Variants in NUBPL observed in about 807,000 individuals in gnomAD.
The protein encoded by NUBPL is NUBP iron-sulfur cluster assembly factor, mitochondrial.
In NUBPL, 31 loss-of-function variants were observed where a neutral mutation model predicts 45.7. That is an observed-to-expected ratio of 0.68 (90% CI 0.51 to 0.92). The LOEUF is 0.92. Ranked by LOEUF, NUBPL falls within the 40% of genes least tolerant of loss-of-function variation. NUBPL has a pLI of 0.00. For missense variants in NUBPL, 401 were observed against 398.7 expected, an observed-to-expected ratio of 1.01 and a Z score of -0.05; for synonymous variants, 144 against 140.9, an observed-to-expected ratio of 1.02 and a Z score of -0.15.
chr14:31,764,621 T>C (rs1334221456), intron 6 of NUBPL, among the ~76,000 whole-genome samples: 9 of 152,224 alleles, frequency 5.9e-5, no homozygotes, highest in Non-Finnish European at 1.0e-4. Context: ...CAACATTCAC[T>C]TGCTCATCAG....
chr14:31,610,626 A>G (rs1262379390), intron 4 of NUBPL, among the ~76,000 whole-genome samples: 1 of 150,332 alleles, frequency 6.7e-6, no homozygotes, highest in Admixed American at 6.6e-5. Context: ...AAAAAAAAAA[A>G]AAAAGAAAGA....
At chr14:31,831,473 C>T (rs79926888) in intron 8 of NUBPL, among the ~76,000 whole-genome samples, 30 of 90,984 alleles carry the variant, frequency 3.3e-4, no homozygotes, top group Non-Finnish European at 8.0e-4. Flanking sequence ...TGTACTATAC[C>T]ATACCATACC....
At chr14:31,676,049 T>C (rs2036688275) in intron 6 of NUBPL, among the ~76,000 whole-genome samples, 1 of 151,380 alleles carries the variant, frequency 6.6e-6, no homozygotes, top group Non-Finnish European at 1.5e-5. Context: ...TGAGACAGAG[T>C]TTAGCTCTTG....
rs182369073 is a variant in NUBPL at position 31,569,084 on chromosome 14, A to G, written c.291+4036A>G. 2.1e-4 allele frequency among the ~76,000 whole-genome samples: 32 copies of G among 152,350 alleles called. No homozygotes were observed. The East Asian group carries it at 2.9e-3, about 14-fold the overall frequency. ...CCTTTTAAAAAACTGATTGGGGTACATGATCAGAAAAGTTTGAATGTCACT... is the reference window on the plus strand; with the variant it reads ...CCTTTTAAAAAACTGATTGGGGTACGTGATCAGAAAAGTTTGAATGTCACT... On this transcript the variant is annotated intron_variant, in intron 3 of 10. Transcript: ENST00000281081.
chr14:31,568,026 C>A (rs895489514), intron 3 of NUBPL, among the ~76,000 whole-genome samples: 2 of 152,136 alleles, frequency 1.3e-5, no homozygotes, highest in South Asian at 4.1e-4. Flanking sequence ...GTTTCCTTGT[C>A]ATTTCAATGG....
chr14:31,724,790 A>T (rs1457373094), intron 6 of NUBPL, among the ~76,000 whole-genome samples: 1 of 152,200 alleles, frequency 6.6e-6, no homozygotes, highest in Non-Finnish European at 1.5e-5. Context: ...AAACAGATAA[A>T]TGAAAACCGT....
At chr14:31,721,689 G>T (rs1413371053) in intron 6 of NUBPL, among the ~76,000 whole-genome samples, 5 of 151,566 alleles carry the variant, frequency 3.3e-5, no homozygotes, top group Non-Finnish European at 5.9e-5. Flanking sequence ...CTCATGTCCC[G>T]GGGGTTTGTT....
At chr14:31,588,725 G>A (rs1440531415) in intron 3 of NUBPL, among the ~76,000 whole-genome samples, 1 of 151,728 alleles carries the variant, frequency 6.6e-6, no homozygotes, top group Non-Finnish European at 1.5e-5. Flanking sequence ...GACCAGCCTG[G>A]TCAGTATGGT....
At chr14:31,769,662 T>A (rs76431295) in intron 6 of NUBPL, among the ~76,000 whole-genome samples, 20,756 of 149,196 alleles carry the variant, frequency 0.14, 3,319 homozygotes, top group African/African-American at 0.4. Flanking sequence ...TCCTTTTTTT[T>A]AAAAAAAAAA....
At chr14:31,844,075 T>G (rs1398087690) in intron 8 of NUBPL, 1 of 152,236 alleles carries the variant, frequency 6.6e-6, no homozygotes, top group Non-Finnish European at 1.5e-5. Flanking sequence ...TTGTGTAGTC[T>G]ATAGAGAACA....
At chr14:31,721,564 C>T (rs1232419366) in intron 6 of NUBPL, among the ~76,000 whole-genome samples, 1 of 151,338 alleles carries the variant, frequency 6.6e-6, no homozygotes, top group Non-Finnish European at 1.5e-5. Flanking sequence ...CATAAGGTCA[C>T]ATATAGCTGG....
intron 10 of NUBPL, among the ~76,000 whole-genome samples, chr14:31,851,144 A>G (rs564728450): frequency 2.0e-5 from 3 of 152,112 alleles, no homozygotes; most frequent in South Asian, 2.1e-4. Context: ...AACACTTGCT[A>G]TTTAACTTGG....
intron 6 of NUBPL, among the ~76,000 whole-genome samples, chr14:31,726,649 C>T (rs2037932682): frequency 1.3e-5 from 1 of 75,288 alleles, no homozygotes; most frequent in Admixed American, 1.8e-4. Context: ...ATGCTTGATA[C>T]ACTTGTTGAC....
intron 4 of NUBPL, among the ~76,000 whole-genome samples, chr14:31,644,328 G>A (rs941167301): frequency 4.0e-5 from 6 of 151,768 alleles, no homozygotes; most frequent in East Asian, 3.8e-4. Flanking sequence ...TTCCTGTACC[G>A]TAGATTTTGG....
chr14:31,763,756 T>G (rs994289959), intron 6 of NUBPL, among the ~76,000 whole-genome samples: 2 of 152,218 alleles, frequency 1.3e-5, no homozygotes, highest in African/African-American at 4.8e-5. Context: ...AATCTAACAT[T>G]AAATTATGCC....
At chr14:31,814,865 C>T (rs2039884109) in intron 7 of NUBPL, among the ~76,000 whole-genome samples, 1 of 152,126 alleles carries the variant, frequency 6.6e-6, no homozygotes, top group Admixed American at 6.6e-5. Context: ...GGTGTTATTT[C>T]TGAGGCCTCT....
intron 10 of NUBPL, among the ~76,000 whole-genome samples, chr14:31,857,707 A>G (rs1385301504): frequency 2.0e-5 from 3 of 152,174 alleles, no homozygotes; most frequent in African/African-American, 4.8e-5. Context: ...ATAAAACATA[A>G]CAAGAGTCAC....
At chr14:31,676,958 C>A (rs1367390392) in intron 6 of NUBPL, among the ~76,000 whole-genome samples, 1 of 151,644 alleles carries the variant, frequency 6.6e-6, no homozygotes, top group Non-Finnish European at 1.5e-5. Flanking sequence ...TTTGTATCCT[C>A]TTTAAGAAAT....
At chr14:31,773,523 C>T (rs1015360407) in intron 6 of NUBPL, among the ~76,000 whole-genome samples, 3 of 152,086 alleles carry the variant, frequency 2.0e-5, no homozygotes, top group African/African-American at 7.2e-5. Context: ...TCCCAGAATC[C>T]TTAGAACTGG....
Sources: allele counts gnomAD v4.1 joint callset (sites outside exome capture counted in the v4.1 genomes callset), GRCh38; gene constraint gnomAD v4.1.1; transcripts MANE v1.5; gene names NCBI Gene and HGNC (gene_info 2026-07-23, HGNC 2026-07-21).